TBC1D5: variants seen among roughly 807,000 people sequenced by gnomAD.
TBC1D5 encodes TBC1 domain family, member 5.
A neutral mutation model predicts 100.3 loss-of-function variants in TBC1D5; 75 were observed. That is an observed-to-expected ratio of 0.75 (90% CI 0.62 to 0.91). The LOEUF is 0.91. TBC1D5 is among the 40% of genes least tolerant of loss of function. The pLI, the probability that TBC1D5 is intolerant of heterozygous loss-of-function variation, is 0.00. For synonymous variants in TBC1D5, 323 were observed against 325.6 expected (o/e 0.99, Z 0.09); for missense variants, 910 against 942.4 (o/e 0.97, Z 0.45).
chr3:17,360,050 T>C (rs891952771), intron 13 of TBC1D5, among the ~76,000 whole-genome samples: 7 of 152,030 alleles, frequency 4.6e-5, no homozygotes, highest in Admixed American at 2.0e-4. Flanking sequence ...GAAATTACTT[T>C]CCTTCCAATC....
intron 4 of TBC1D5, among the ~76,000 whole-genome samples, chr3:17,425,015 C>G (rs1407883074): frequency 1.3e-5 from 2 of 152,150 alleles, no homozygotes; most frequent in Non-Finnish European, 2.9e-5. Context: ...CTTAAGCACT[C>G]TTTCTGCTAA....
chr3:17,238,379 A>G (rs1458340731), exon 17 of TBC1D5: 2 of 1,613,384 alleles, frequency 1.2e-6, no homozygotes, highest in African/African-American at 2.7e-5. Flanking sequence ...AGGCTATTAG[A>G]GACCTTATTT....
intron 1 of TBC1D5, among the ~76,000 whole-genome samples, chr3:17,720,058 C>G (rs2075566722): frequency 6.6e-6 from 1 of 152,098 alleles, no homozygotes; most frequent in South Asian, 2.1e-4. Flanking sequence ...TCACGAGTGT[C>G]TAAAGTAAAT....
rs1368153796 is a variant in TBC1D5 at position 17,549,366 on chromosome 3, T to C, written c.-35-40761A>G. On this transcript the variant is annotated intron_variant, in intron 2 of 21. Coordinates refer to ENST00000253692, the Ensembl canonical transcript of TBC1D5. ...TTTCTTTTCTATATCTTATTTGTAC[T>C]ATGGTGCAGAGAATTGGTATTTCTT... Among the ~76,000 whole-genome samples the C allele has an allele frequency of 2.0e-5, 3 of 152,200 alleles. No individual in the cohort carries two copies. The East Asian group carries it at 5.8e-4, about 29-fold the overall frequency.
intron 12 of TBC1D5, among the ~76,000 whole-genome samples, chr3:17,373,921 T>A (rs1034132105): frequency 1.3e-5 from 2 of 152,110 alleles, no homozygotes; most frequent in Admixed American, 6.6e-5. Context: ...TGTTTTGGAA[T>A]TAGATAGCAG....
chr3:17,653,502 A>G (rs80011332), intron 1 of TBC1D5, among the ~76,000 whole-genome samples: 1,743 of 152,146 alleles, frequency 0.011, 27 homozygotes, highest in African/African-American at 0.039. Context: ...AATATAGCTG[A>G]CCAGTGAGTA....
chr3:17,513,245 T>C lies in TBC1D5; in HGVS notation c.-35-4640A>G, dbSNP rs573966863. Among the ~76,000 whole-genome samples, 9 of 152,088 alleles carry C rather than the reference T, an allele frequency of 5.9e-5. No homozygotes were observed. The East Asian group carries it at 1.7e-3, about 29-fold the overall frequency. The stretch of plus-strand genomic sequence containing the variant: ...TACTTGGGAGGCTGAGGCAGAAGAA[T>C]TGTTGGAACCCGGGAGGCAGAGGTT... On this transcript the variant is annotated intron_variant, in intron 2 of 21. Transcript: ENST00000253692.
chr3:17,428,909 C>G (rs1351568236), intron 3 of TBC1D5, among the ~76,000 whole-genome samples: 1 of 151,946 alleles, frequency 6.6e-6, no homozygotes, highest in African/African-American at 2.4e-5. Flanking sequence ...AGGCAGAGAG[C>G]CGACCTGGAT....
At chr3:17,352,330 G>GT (rs1301151681) in intron 13 of TBC1D5, among the ~76,000 whole-genome samples, 9 of 151,678 alleles carry the variant, frequency 5.9e-5, no homozygotes. Context: ...TTTTTCCTAG[G>GT]TTGCATACAT....
At chr3:17,406,556 C>A in intron 4 of TBC1D5, 30 bp from the exon 5 acceptor site, 1 of 1,581,762 alleles carries the variant, frequency 6.3e-7, no homozygotes, top group Non-Finnish European at 8.6e-7. Flanking sequence ...GCATGAGAAT[C>A]CTTTTGTTAA....
intron 1 of TBC1D5, among the ~76,000 whole-genome samples, chr3:17,728,346 T>C (rs1266069804): frequency 1.3e-5 from 2 of 152,082 alleles, no homozygotes; most frequent in Non-Finnish European, 2.9e-5. Flanking sequence ...TCACCAATGT[T>C]TGTAGGTATT....
intron 4 of TBC1D5, among the ~76,000 whole-genome samples, chr3:17,415,533 G>A (rs1450217494): frequency 6.6e-6 from 1 of 151,924 alleles, no homozygotes; most frequent in African/African-American, 2.4e-5. Context: ...TCCAAATCCA[G>A]GGTCATATTA....
At chr3:17,526,351 G>GATGAGTGCCACCA (rs1353879758) in intron 2 of TBC1D5, among the ~76,000 whole-genome samples, 17 of 152,060 alleles carry the variant, frequency 1.1e-4, no homozygotes, top group Non-Finnish European at 1.9e-4. Flanking sequence ...CCAAGTAGCT[G>GATGAGTGCCACCA]GGACTACAGA....
intron 1 of TBC1D5, among the ~76,000 whole-genome samples, chr3:17,651,260 A>C (rs1169631594): frequency 6.6e-6 from 1 of 152,208 alleles, no homozygotes. Context: ...TTATGGAAAA[A>C]TAAGAAAAAT....
chr3:17,616,193 C>T (rs549811141), intron 2 of TBC1D5, among the ~76,000 whole-genome samples: 4 of 152,224 alleles, frequency 2.6e-5, no homozygotes, highest in East Asian at 1.9e-4. Flanking sequence ...TGTAGTTGTG[C>T]GGTTTTGAGT....
At chr3:17,513,766 GGAA>G (rs1336255128) in intron 2 of TBC1D5, among the ~76,000 whole-genome samples, 1 of 151,738 alleles carries the variant, frequency 6.6e-6, no homozygotes, top group African/African-American at 2.4e-5. Flanking sequence ...GATTATAAAA[GGAA>G]GAAGGATGCA....
At chr3:17,396,374 C>T (rs1400989829) in intron 8 of TBC1D5, among the ~76,000 whole-genome samples, 2 of 151,878 alleles carry the variant, frequency 1.3e-5, no homozygotes, top group Non-Finnish European at 2.9e-5. Flanking sequence ...TTAACACACA[C>T]CAAAATCAAT....
intron 2 of TBC1D5, among the ~76,000 whole-genome samples, chr3:17,557,061 A>G (rs1363441144): frequency 6.6e-6 from 1 of 152,238 alleles, no homozygotes; most frequent in East Asian, 1.9e-4. Flanking sequence ...AAAAATAAAA[A>G]CAACTGCTTA....
At chr3:17,513,270 T>G (rs1201739080) in intron 2 of TBC1D5, among the ~76,000 whole-genome samples, 3 of 151,390 alleles carry the variant, frequency 2.0e-5, no homozygotes, top group African/African-American at 7.3e-5. Context: ...AGGCAGAGGT[T>G]GCAGTGAGCC....
Sources: gnomAD v4.1 joint callset for allele counts (sites outside exome capture counted in the v4.1 genomes callset) on GRCh38, gnomAD v4.1.1 for gene constraint, MANE v1.5 for transcripts, NCBI Gene and HGNC (gene_info 2026-07-23, HGNC 2026-07-21) for gene names.